Variants in ROBO2 observed in about 807,000 individuals in gnomAD.
ROBO2 encodes roundabout homolog 2.
Under a neutral mutation model 160.8 loss-of-function variants are expected in ROBO2, and 53 were observed. That is an observed-to-expected ratio of 0.33 (90% confidence interval 0.26 to 0.41). ROBO2 has a LOEUF of 0.41. Among genes scored for constraint, ROBO2 ranks in the 10% least tolerant of loss-of-function variants. ROBO2 has a pLI of 1.00. For synonymous variants in ROBO2, 664 were observed against 611.7 expected, an observed-to-expected ratio of 1.09 and a Z score of -1.26; for missense variants, 1,577 against 1,722.4, an observed-to-expected ratio of 0.92 and a Z score of 1.49.
chr3:76,887,282 T>C (rs531792076), intron 2 of ROBO2, among the ~76,000 whole-genome samples: 87 of 145,918 alleles, frequency 6.0e-4, no homozygotes, highest in Non-Finnish European at 1.1e-3. Flanking sequence ...ATTAGCCATG[T>C]CATTTTAGGC....
intron 24 of ROBO2, among the ~76,000 whole-genome samples, chr3:77,637,276 T>C (rs758300930): frequency 2.0e-5 from 3 of 152,178 alleles, no homozygotes; most frequent in Non-Finnish European, 4.4e-5. Context: ...TGAAGCTTAG[T>C]TGAAAAAGAA....
chr3:76,287,608 A>G (rs1230444947), intron 2 of ROBO2, among the ~76,000 whole-genome samples: 5 of 152,074 alleles, frequency 3.3e-5, no homozygotes, highest in African/African-American at 1.2e-4. Context: ...CCCTTTTCTT[A>G]AGTGATTATT....
At chr3:76,989,802 C>G (rs1177815691) in intron 2 of ROBO2, among the ~76,000 whole-genome samples, 6 of 152,078 alleles carry the variant, frequency 3.9e-5, no homozygotes, top group Non-Finnish European at 8.8e-5. Flanking sequence ...GTTATAATGA[C>G]AGGTGAAATA....
intron 2 of ROBO2, among the ~76,000 whole-genome samples, chr3:76,080,891 G>A (rs920832059): frequency 7.9e-5 from 12 of 151,984 alleles, no homozygotes; most frequent in South Asian, 2.1e-4. Flanking sequence ...CCTTGATTTT[G>A]CCAGTATGAC....
intron 2 of ROBO2, among the ~76,000 whole-genome samples, chr3:76,420,588 A>G (rs1042534035): frequency 6.6e-6 from 1 of 152,214 alleles, no homozygotes; most frequent in Non-Finnish European, 1.5e-5. Context: ...AGATATATAC[A>G]TACATGCACA....
At position 76,049,383 on chromosome 3, in the gene ROBO2, G is replaced by GTGTGTATATATATATATATA. The variant is rs1440395230; in HGVS notation, c.109+111782_109+111783insGTGTATATATATATATATAT. On this transcript the variant is annotated intron_variant, in intron 2 of 26. Coordinates refer to the ROBO2 transcript ENST00000487694. ...ATGCCACCACCCCTGGCTAATTTTA[G>GTGTGTATATATATATATATA]TATATATATATATATATATATTTTT... is the stretch of plus-strand genomic sequence containing the variant. Among the ~76,000 whole-genome samples, 7 of 36,808 alleles carry GTGTGTATATATATATATATA rather than the reference G, an allele frequency of 1.9e-4. 1 individual carries two copies. The highest frequency in any genetic ancestry group is 7.9e-4 in the African/African-American group (7 of 8,858). 24.1% of individuals were successfully genotyped at this position (36,808 alleles called of 152,430 possible).
At chr3:76,454,184 A>G (rs2077626516) in intron 2 of ROBO2, among the ~76,000 whole-genome samples, 2 of 152,268 alleles carry the variant, frequency 1.3e-5, no homozygotes, top group African/African-American at 4.8e-5. Context: ...AGAAGTTTCA[A>G]TTTTATTACT....
chr3:76,113,711 AC>A (rs1404822695), intron 2 of ROBO2, among the ~76,000 whole-genome samples: 1 of 152,146 alleles, frequency 6.6e-6, no homozygotes, highest in Non-Finnish European at 1.5e-5. Flanking sequence ...TAAGGCCAGA[AC>A]CCTCATAATA....
At chr3:77,565,589 C>T (rs1203383332) in intron 12 of ROBO2, among the ~76,000 whole-genome samples, 1 of 152,068 alleles carries the variant, frequency 6.6e-6, no homozygotes, top group Non-Finnish European at 1.5e-5. Context: ...GTTAGAAACA[C>T]ACATTTTCAG....
intron 2 of ROBO2, among the ~76,000 whole-genome samples, chr3:77,332,839 A>G (rs1445582776): frequency 1.3e-5 from 2 of 152,210 alleles, no homozygotes; most frequent in African/African-American, 4.8e-5. Flanking sequence ...TATTAATGTT[A>G]GTACTGTGTA....
chr3:76,292,550 C>G (rs1468096512), intron 2 of ROBO2, among the ~76,000 whole-genome samples: 1 of 152,038 alleles, frequency 6.6e-6, no homozygotes, highest in Non-Finnish European at 1.5e-5. Flanking sequence ...TAAGAAGGAC[C>G]TGTGATGTTT....
rs142370054 is a variant in ROBO2 at position 77,327,814 on chromosome 3, C to T, written c.389-149600C>T. ...CCTGTAATCCCAGCACTTTGGGAGG[C>T]CGAGGTGGGTCGATCACCTGAGGTC... On this transcript the variant is annotated intron_variant, in intron 2 of 25. Transcript: ENST00000461745. Among the ~76,000 whole-genome samples, 62 of 152,060 alleles carry T rather than the reference C, an allele frequency of 4.1e-4. 1 individual carries two copies. The highest frequency in any genetic ancestry group is 1.4e-3 in the African/African-American group (59 of 41,470).
chr3:76,633,683 C>CA (rs2090157474), intron 2 of ROBO2, among the ~76,000 whole-genome samples: 1 of 152,148 alleles, frequency 6.6e-6, no homozygotes, highest in South Asian at 2.1e-4. Flanking sequence ...TAGTCTACGC[C>CA]AGGCATGTCC....
At chr3:76,904,016 T>A (rs1325523876) in intron 2 of ROBO2, among the ~76,000 whole-genome samples, 4 of 152,182 alleles carry the variant, frequency 2.6e-5, no homozygotes, top group Non-Finnish European at 5.9e-5. Context: ...TCTAACAGTC[T>A]CTATTACCTT....
Position 76,562,816 on chromosome 3 carries a change from A to G in ROBO2, c.110-535198A>G, listed in dbSNP as rs533968768. Among the ~76,000 whole-genome samples, 4 of 152,320 alleles carry G rather than the reference A, an allele frequency of 2.6e-5. No individual in the cohort carries two copies. The South Asian group carries it at 6.2e-4, about 24-fold the overall frequency. ...TATTCTTTTTCTGTGATGACATACA[A>G]TACAAACTTTCAATTCAATGAATAT... On this transcript the variant is annotated intron_variant, in intron 2 of 26. Coordinates refer to the ROBO2 transcript ENST00000487694.
chr3:76,965,785 G>GTGTA lies in ROBO2; in HGVS notation c.110-132228_110-132227insGTAT, dbSNP rs1424338840. The stretch of plus-strand genomic sequence containing the variant: ...CTATACCATTATTTATTGTGTTTGT[G>GTGTA]TATATATATATATATATATATATAT... On this transcript the variant is annotated intron_variant, in intron 2 of 26. Coordinates refer to the ROBO2 transcript ENST00000487694. 3.6e-3 allele frequency among the ~76,000 whole-genome samples: 463 copies of GTGTA among 129,216 alleles called. 8 individuals carry two copies. Among genetic ancestry groups the GTGTA allele is most frequent in the African/African-American group, 0.014 (439 of 32,076 alleles). 84.8% of individuals were successfully genotyped at this position (129,216 alleles called of 152,430 possible). A position where few individuals can be genotyped will look rare whatever the true frequency, so the allele number is the denominator to read the frequency against.
intron 2 of ROBO2, among the ~76,000 whole-genome samples, chr3:76,218,770 A>C (rs62267433): frequency 0.33 from 49,961 of 151,318 alleles, 9,162 homozygotes; most frequent in Non-Finnish European, 0.41. Flanking sequence ...TGCCATCCCC[A>C]TCAAGCTACC....
intron 5 of ROBO2, among the ~76,000 whole-genome samples, chr3:77,497,827 G>T (rs551118075): frequency 8.7e-4 from 132 of 152,034 alleles, no homozygotes; most frequent in African/African-American, 3.0e-3. Context: ...ATATATTTAT[G>T]TGCTAAAGCT....
Position 77,551,362 on chromosome 3 carries a change from C to T in ROBO2, c.1231+373C>T, listed in dbSNP as rs1223713700. On this transcript the variant is annotated intron_variant, in intron 8 of 25. Coordinates refer to ENST00000461745, the Ensembl canonical transcript of ROBO2. ...ATTTCACTCTAGGAGGAGGTCATACCACCTTTAATATTATCAGAGATGAGA... is the reference window on the plus strand; with the variant it reads ...ATTTCACTCTAGGAGGAGGTCATACTACCTTTAATATTATCAGAGATGAGA... Among the ~76,000 whole-genome samples, 6 of 151,928 alleles carry T rather than the reference C, an allele frequency of 3.9e-5. No individual in the cohort carries two copies. The South Asian group carries it at 1.2e-3, about 31-fold the overall frequency.
Sources: gnomAD v4.1 joint callset for allele counts (sites outside exome capture counted in the v4.1 genomes callset) on GRCh38, gnomAD v4.1.1 for gene constraint, MANE v1.5 for transcripts, NCBI Gene and HGNC (gene_info 2026-07-23, HGNC 2026-07-21) for gene names.